The following LRP6 variants were observed in gnomAD, a reference collection of about 807,000 sequenced individuals.
LRP6 encodes the protein LDL receptor related protein 6.
A neutral mutation model predicts 184.1 loss-of-function variants in LRP6; 43 were observed. That is an observed-to-expected ratio of 0.23 (90% CI 0.18 to 0.30). The LOEUF (loss-of-function observed/expected upper bound fraction) is 0.30. Ranked by LOEUF, LRP6 falls within the 10% of genes least tolerant of loss-of-function variation. The probability of loss-of-function intolerance (pLI) is 1.00; values close to 1 mark genes in which losing one functional copy is unlikely to be tolerated. For missense variants in LRP6, 1,571 were observed against 2,005.3 expected, an observed-to-expected ratio of 0.78 and a Z score of 4.14; for synonymous variants, 719 against 684.9, an observed-to-expected ratio of 1.05 and a Z score of -0.78.
At chr12:12,185,644 C>G (rs1863449692) in intron 4 of LRP6, among the ~76,000 whole-genome samples, 1 of 152,148 alleles carries the variant, frequency 6.6e-6, no homozygotes, top group African/African-American at 2.4e-5. Context: ...CTTACAAGTT[C>G]TCAGCAGTCA....
At chr12:12,202,420 A>G (rs1203486926) in intron 3 of LRP6, among the ~76,000 whole-genome samples, 1 of 152,184 alleles carries the variant, frequency 6.6e-6, no homozygotes, top group Non-Finnish European at 1.5e-5. Flanking sequence ...GCGTGTGCCT[A>G]TAGTCCCAGC....
chr12:12,235,305 T>C (rs1039588114), intron 2 of LRP6, among the ~76,000 whole-genome samples: 2 of 152,194 alleles, frequency 1.3e-5, no homozygotes, highest in Admixed American at 1.3e-4. Flanking sequence ...TTTGTGGTAG[T>C]AGACTGGAAT....
At chr12:12,171,795 C>G (rs1863053733) in intron 7 of LRP6, among the ~76,000 whole-genome samples, 1 of 152,170 alleles carries the variant, frequency 6.6e-6, no homozygotes, top group Non-Finnish European at 1.5e-5. Flanking sequence ...CTAAGTATTT[C>G]TCTTGTACCA....
chr12:12,240,526 C>T (rs1489297168), intron 2 of LRP6, among the ~76,000 whole-genome samples: 5 of 151,936 alleles, frequency 3.3e-5, no homozygotes, highest in African/African-American at 9.7e-5. Flanking sequence ...GAGCCAAGAT[C>T]GCGCCACTGC....
chr12:12,203,051 A>T (rs1863957455), intron 3 of LRP6, 152 bp downstream of exon 3: 1 of 588,402 alleles, frequency 1.7e-6, no homozygotes, highest in African/African-American at 1.9e-5. Context: ...TTACTTTTAA[A>T]GCACTTTTAA....
At chr12:12,182,190 T>C (rs1863360524) in intron 5 of LRP6, among the ~76,000 whole-genome samples, 1 of 152,166 alleles carries the variant, frequency 6.6e-6, no homozygotes, top group Non-Finnish European at 1.5e-5. Context: ...TCCCCATCTA[T>C]ACCTTGTAAG....
intron 2 of LRP6, among the ~76,000 whole-genome samples, chr12:12,218,035 C>A (rs1565664771): frequency 6.6e-6 from 1 of 152,096 alleles, no homozygotes; most frequent in African/African-American, 2.4e-5. Flanking sequence ...GACTTCATCC[C>A]AAAACTCCAT....
chr12:12,236,268 C>T (rs945192077), intron 2 of LRP6, among the ~76,000 whole-genome samples: 5 of 151,996 alleles, frequency 3.3e-5, no homozygotes, highest in Non-Finnish European at 5.9e-5. Flanking sequence ...ACAATGAGGG[C>T]ATGTACAAAT....
intron 1 of LRP6, among the ~76,000 whole-genome samples, chr12:12,258,974 A>T (rs1865543581): frequency 6.6e-6 from 1 of 152,172 alleles, no homozygotes; most frequent in African/African-American, 2.4e-5. Flanking sequence ...GAAAAAAAAA[A>T]TGACAGCTGT....
intron 21 of LRP6, among the ~76,000 whole-genome samples, 189 bp from the exon 22 acceptor site, chr12:12,124,851 T>A (rs963421078): frequency 6.6e-6 from 1 of 152,162 alleles, no homozygotes; most frequent in African/African-American, 2.4e-5. Context: ...TAAGACCTCA[T>A]CATGGCTAAA....
chr12:12,266,634 C>G, intron 1 of LRP6, 47 bp downstream of exon 1: 1 of 1,542,306 alleles, frequency 6.5e-7, no homozygotes, highest in Non-Finnish European at 8.9e-7. Flanking sequence ...AACAAGGCCA[C>G]CTCCCCCCGA....
At chr12:12,226,838 A>G (rs1432634067) in intron 2 of LRP6, 1 of 152,150 alleles carries the variant, frequency 6.6e-6, no homozygotes, top group African/African-American at 2.4e-5. Flanking sequence ...AAGGTACAAC[A>G]TACACATAAT....
At chr12:12,182,350 T>C (rs1402846225) in intron 5 of LRP6, among the ~76,000 whole-genome samples, 3 of 152,206 alleles carry the variant, frequency 2.0e-5, no homozygotes, top group African/African-American at 7.2e-5. Context: ...ATTAGGTTTA[T>C]TTATGAACTG....
intron 1 of LRP6, among the ~76,000 whole-genome samples, chr12:12,253,636 C>T (rs1172515576): frequency 1.4e-5 from 2 of 145,378 alleles, no homozygotes. Context: ...CAAGTGTTCT[C>T]ACTGTTTAAT....
intron 7 of LRP6, among the ~76,000 whole-genome samples, chr12:12,166,744 C>T (rs1455625553): frequency 6.6e-6 from 1 of 152,198 alleles, no homozygotes; most frequent in Non-Finnish European, 1.5e-5. Flanking sequence ...CACTTTCCAA[C>T]ATTTTTGTTT....
At chr12:12,266,255 G>C (rs1865756040) in intron 1 of LRP6, among the ~76,000 whole-genome samples, 1 of 152,176 alleles carries the variant, frequency 6.6e-6, no homozygotes, top group Admixed American at 6.5e-5. Context: ...AAACGGGGTG[G>C]GGAGTGGGTG....
chr12:12,254,162 A>AAAAAAAAG (rs1565721161), intron 1 of LRP6, among the ~76,000 whole-genome samples: 4 of 134,978 alleles, frequency 3.0e-5, no homozygotes, highest in Non-Finnish European at 4.9e-5. Flanking sequence ...AAAAAAAAAA[A>AAAAAAAAG]AAAGAAAGAA....
chr12:12,129,640 C>A (rs1027911230), intron 19 of LRP6, among the ~76,000 whole-genome samples: 3 of 152,086 alleles, frequency 2.0e-5, no homozygotes, highest in African/African-American at 7.2e-5. Flanking sequence ...GCAACCTCCA[C>A]CTCCCGGGTT....
intron 1 of LRP6, among the ~76,000 whole-genome samples, chr12:12,262,616 G>A (rs1865647388): frequency 4.0e-5 from 6 of 151,246 alleles, no homozygotes. Flanking sequence ...CACACCGATG[G>A]TATTCCAAAA....
Sources: allele counts gnomAD v4.1 joint callset (sites outside exome capture counted in the v4.1 genomes callset), GRCh38; gene constraint gnomAD v4.1.1; transcripts MANE v1.5; gene names NCBI Gene and HGNC (gene_info 2026-07-23, HGNC 2026-07-21).